NEB: variants seen among roughly 807,000 people sequenced by gnomAD.
The protein encoded by NEB is nemaline myopathy type 2.
A neutral mutation model predicts 952.2 loss-of-function variants in NEB; 512 were observed. The observed-to-expected ratio is 0.54, with a 90% confidence interval of 0.50 to 0.58. NEB has a LOEUF of 0.58. NEB is among the 20% of genes least tolerant of loss of function. The pLI is 0.00. For synonymous variants in NEB, 2,900 were observed against 3,149.8 expected, an observed-to-expected ratio of 0.92 and a Z score of 2.66; for missense variants, 8,428 against 9,231.1, an observed-to-expected ratio of 0.91 and a Z score of 3.56.
chr2:151,594,871 T>C, intron 92 of NEB, among the ~76,000 whole-genome samples: 1 of 43,696 alleles, frequency 2.3e-5, no homozygotes, highest in Admixed American at 2.7e-4. Flanking sequence ...CATACGTGTG[T>C]GGTTTTGGAA....
intron 36 of NEB, 51 bp from the exon 37 acceptor site, chr2:151,672,731 C>A: frequency 6.9e-7 from 1 of 1,452,048 alleles, no homozygotes; most frequent in South Asian, 1.3e-5. Flanking sequence ...ATAGCATTAG[C>A]GCTGCAATTA....
At position 151,627,151 on chromosome 2, in the gene NEB, C is replaced by T. The variant is rs1247914916; in HGVS notation, c.10198G>A (p.Gly3400Arg). The T allele has an allele frequency of 6.2e-7, 1 of 1,613,912 alleles. No homozygotes were observed. The highest frequency in any genetic ancestry group is 1.1e-5 in the South Asian group (1 of 91,080). The change falls in exon 70 of 182, where the codon GGG becomes AGG. Residue 3400 changes from glycine to arginine, a missense_variant. Gly to Arg is a moderately radical substitution (Grantham distance 125). This residue lies in a region of NEB where 1,772 missense variants were observed against 1,960.3 expected (regional missense o/e 0.90). Coordinates refer to ENST00000397345, the MANE Select transcript of NEB (RefSeq NM_001164508.2). ...WLRGIGWVPI[G>R]SMDVVKCKRA... Reference sequence around the variant, plus strand: ...TTGCACTTGACCACATCCATAGACCCAATGGGGACCCAGCCAATGCCTCTC... The same window carrying T: ...TTGCACTTGACCACATCCATAGACCTAATGGGGACCCAGCCAATGCCTCTC...
chr2:151,513,864 A>C (rs1269280284), intron 159 of NEB, among the ~76,000 whole-genome samples, 171 bp from the exon 160 acceptor site: 3 of 152,222 alleles, frequency 2.0e-5, no homozygotes, highest in Non-Finnish European at 4.4e-5. Flanking sequence ...TGGTGTCTTC[A>C]GAAGCCCTCT....
intron 36 of NEB, among the ~76,000 whole-genome samples, chr2:151,673,303 G>A (rs768182390): frequency 6.6e-6 from 1 of 152,152 alleles, no homozygotes; most frequent in Non-Finnish European, 1.5e-5. Context: ...TGTTATGCAA[G>A]AGAATTCAAA....
intron 42 of NEB, 55 bp downstream of exon 42, chr2:151,665,278 A>G: frequency 6.5e-7 from 1 of 1,533,294 alleles, no homozygotes; most frequent in Non-Finnish European, 9.0e-7. Context: ...TGCCAGGCTC[A>G]ATGTCATGAA....
At chr2:151,518,252 A>C in intron 156 of NEB, 66 bp downstream of exon 156, 7 of 1,175,590 alleles carry the variant, frequency 6.0e-6, no homozygotes, top group Non-Finnish European at 9.0e-6. Flanking sequence ...AATCTATGAA[A>C]TTTTTTTTCA....
intron 8 of NEB, among the ~76,000 whole-genome samples, chr2:151,723,779 A>G (rs1266178919): frequency 1.8e-5 from 1 of 54,980 alleles, no homozygotes; most frequent in Admixed American, 2.1e-4. Flanking sequence ...TTTTTTGGTC[A>G]TTATTTGTCA....
At chr2:151,653,887 CATT>C (rs2099058433) in intron 52 of NEB, 102 bp downstream of exon 52, 2 of 661,330 alleles carry the variant, frequency 3.0e-6, no homozygotes, top group Non-Finnish European at 5.3e-6. Flanking sequence ...ATGAAGGAAG[CATT>C]ATATTTTGAA....
At chr2:151,543,118 G>C (rs1156419824) in intron 135 of NEB, among the ~76,000 whole-genome samples, 5 of 152,090 alleles carry the variant, frequency 3.3e-5, no homozygotes, top group Non-Finnish European at 7.4e-5. Flanking sequence ...TCCGAGACTA[G>C]GGCACAGCAG....
In NEB at chr2:151,679,746, T is replaced by TTGGCAGCTC. The variant is rs1553539015; in HGVS notation, c.3221_3229dup (p.Arg1074_Ala1076dup). The stretch of plus-strand genomic sequence containing the variant: ...GTCACTCGCCGCCTGCCTGGCAGCT[T>TTGGCAGCTC]TGGCAGCTCTGATGGGAATCGCATC... On this transcript the variant is annotated inframe_insertion, in exon 32 of 182. Transcript: ENST00000397345. 3 of 1,591,056 alleles carry TTGGCAGCTC rather than the reference T, an allele frequency of 1.9e-6. No homozygotes were observed. The highest frequency in any genetic ancestry group is 2.6e-6 in the Non-Finnish European group (3 of 1,165,988).
At position 151,706,914 on chromosome 2, in the gene NEB, C is replaced by T. The variant is rs200914626; in HGVS notation, c.1119G>A (p.Arg373=). 2.2e-4 allele frequency: 350 copies of T among 1,606,478 alleles called. No individual in the cohort carries two copies. The highest frequency in any genetic ancestry group is 3.3e-4 in the Middle Eastern group (2 of 6,074). ...VLPASENPQL[R]QLKAAGDALS... ...GGGCATCTCCTGCTGCCTTCAGCTGCCTAAGCTGTGGGTTCTCTGAAGCAG... is the reference window on the plus strand; with the variant it reads ...GGGCATCTCCTGCTGCCTTCAGCTGTCTAAGCTGTGGGTTCTCTGAAGCAG... The change falls in exon 13 of 182, where the codon AGG becomes AGA. Residue 373 remains arginine (R), a synonymous_variant. Coordinates refer to ENST00000397345, the MANE Select transcript of NEB (RefSeq NM_001164508.2).
chr2:151,731,521 C>G (rs2099808717), intron 3 of NEB, among the ~76,000 whole-genome samples: 3 of 152,176 alleles, frequency 2.0e-5, no homozygotes, highest in Admixed American at 1.3e-4. Context: ...CCCTCTTATG[C>G]TCATGATCTT....
rs2099762336 is a variant in NEB at position 151,717,520 on chromosome 2, C to T, written c.718G>A (p.Val240Ile). The change falls in exon 10 of 182, where the codon GTT (valine) becomes ATT (isoleucine). Residue 240 changes from valine (V) to isoleucine (I), a missense_variant and splice_region_variant. Physicochemically the swap from Val to Ile is conservative, Grantham distance 29. Coordinates refer to ENST00000397345, the MANE Select transcript of NEB (RefSeq NM_001164508.2). ...VAQAQKALSD[V>I]AYKKGLAEQQ... ...TCAGCGAGACCTTTTTTGTAGGCAA[C>T]CTGATGAAATAAAAGACAGGGATGT... is the stretch of plus-strand genomic sequence containing the variant. The T allele has an allele frequency of 6.2e-7, 1 of 1,608,474 alleles. No individual in the cohort carries two copies. The highest frequency in any genetic ancestry group is 8.5e-7 in the Non-Finnish European group (1 of 1,175,048).
At chr2:151,652,048 G>A (rs1243599353) in intron 52 of NEB, among the ~76,000 whole-genome samples, 4 of 152,156 alleles carry the variant, frequency 2.6e-5, no homozygotes, top group African/African-American at 9.7e-5. Context: ...GGGCAAATAT[G>A]AAAATGTTTG....
intron 68 of NEB, 28 bp downstream of exon 68, chr2:151,629,511 T>C (rs1349886295): frequency 1.9e-6 from 3 of 1,548,690 alleles, no homozygotes; most frequent in East Asian, 2.2e-5. Context: ...CATCCATCCA[T>C]GTAAATATCT....
chr2:151,675,177 G>T (rs568415904), intron 35 of NEB, 110 bp downstream of exon 35: 2 of 793,440 alleles, frequency 2.5e-6, no homozygotes, highest in African/African-American at 1.7e-5. Context: ...TCCAGTAGGG[G>T]ATTTGTGAGA....
chr2:151,688,192 G>C, intron 25 of NEB, 100 bp downstream of exon 25: 1 of 970,660 alleles, frequency 1.0e-6, no homozygotes. Context: ...CCATCTTAAA[G>C]TTGTTTATTT....
At chr2:151,658,940 G>T in intron 47 of NEB, 125 bp downstream of exon 47, 1 of 825,164 alleles carries the variant, frequency 1.2e-6, no homozygotes, top group Non-Finnish European at 2.1e-6. Flanking sequence ...AGAGTCTCAT[G>T]TGTGGATTTC....
chr2:151,702,374 A>T (rs960749893), intron 13 of NEB, among the ~76,000 whole-genome samples: 5 of 152,272 alleles, frequency 3.3e-5, no homozygotes, highest in East Asian at 3.9e-4. Context: ...TGTAGATGTC[A>T]ATTAGGTCCG....
Sources: allele counts gnomAD v4.1 joint callset (sites outside exome capture counted in the v4.1 genomes callset), GRCh38; gene constraint gnomAD v4.1.1; regional missense constraint gnomAD v4.1.1; transcripts MANE v1.5; gene names NCBI Gene and HGNC (gene_info 2026-07-23, HGNC 2026-07-21).